LDB2: variants seen among roughly 807,000 people sequenced by gnomAD.
The protein encoded by LDB2 is LIM domain binding 2, also known as LIM domain-binding protein 2.
Under a neutral mutation model 44.3 loss-of-function variants are expected in LDB2, and 12 were observed. The observed-to-expected ratio is 0.27, with a 90% CI of 0.17 to 0.44. LDB2 has a LOEUF of 0.44. Ranked by LOEUF, LDB2 falls within the 20% of genes least tolerant of loss-of-function variation. The pLI, the probability that LDB2 is intolerant of heterozygous loss-of-function variation, is 1.00. For synonymous variants in LDB2, 164 were observed against 174.8 expected, an observed-to-expected ratio of 0.94 and a Z score of 0.49; for missense variants, 344 against 473.5, an observed-to-expected ratio of 0.73 and a Z score of 2.54.
At chr4:16,733,570 C>T (rs1268814270) in intron 2 of LDB2, among the ~76,000 whole-genome samples, 48 of 152,292 alleles carry the variant, frequency 3.2e-4, no homozygotes, top group Non-Finnish European at 2.1e-4. Context: ...GGGTTCATGT[C>T]TGTGCCTCAA....
intron 2 of LDB2, among the ~76,000 whole-genome samples, chr4:16,641,732 T>G (rs942044069): frequency 6.6e-6 from 1 of 152,056 alleles, no homozygotes; most frequent in African/African-American, 2.4e-5. Context: ...CAACACTGGA[T>G]GTCACATTTC....
chr4:16,620,140 A>G (rs898250603), intron 2 of LDB2, among the ~76,000 whole-genome samples: 3 of 152,180 alleles, frequency 2.0e-5, no homozygotes, highest in East Asian at 3.9e-4. Context: ...AAGAGACCAT[A>G]TCTATCTTGA....
intron 1 of LDB2, among the ~76,000 whole-genome samples, chr4:16,834,715 T>C (rs745978246): frequency 1.3e-5 from 2 of 151,966 alleles, no homozygotes; most frequent in Non-Finnish European, 2.9e-5. Context: ...TAATCCCCTC[T>C]ACTGGGGAGG....
At chr4:16,778,230 C>T (rs1772392143) in intron 1 of LDB2, among the ~76,000 whole-genome samples, 1 of 152,172 alleles carries the variant, frequency 6.6e-6, no homozygotes, top group Non-Finnish European at 1.5e-5. Flanking sequence ...TCTCCAAGAA[C>T]AATCAACTGT....
intron 1 of LDB2, among the ~76,000 whole-genome samples, chr4:16,891,366 G>A (rs999635848): frequency 1.5e-5 from 2 of 133,574 alleles, no homozygotes; most frequent in Non-Finnish European, 3.1e-5. Context: ...AGGGTGGAGT[G>A]CAGTGGGACA....
At chr4:16,622,012 C>T (rs1257465714) in intron 2 of LDB2, among the ~76,000 whole-genome samples, 1 of 152,204 alleles carries the variant, frequency 6.6e-6, no homozygotes, top group Non-Finnish European at 1.5e-5. Context: ...AAAGTAACCG[C>T]AATTACTTCT....
chr4:16,615,606 G>C (rs1727073304), intron 2 of LDB2, among the ~76,000 whole-genome samples: 1 of 152,090 alleles, frequency 6.6e-6, no homozygotes, highest in Admixed American at 6.5e-5. Context: ...GGCCTGTTGG[G>C]GGGTGGGGGG....
intron 1 of LDB2, among the ~76,000 whole-genome samples, chr4:16,824,911 A>C (rs540517984): frequency 6.6e-6 from 1 of 152,346 alleles, no homozygotes; most frequent in South Asian, 2.1e-4. Flanking sequence ...CATGAGGGAG[A>C]GATAAAACAA....
At position 16,734,315 on chromosome 4, in the gene LDB2, T is replaced by A. The variant is rs375524689; in HGVS notation, c.235+24843A>T. Among the ~76,000 whole-genome samples, 43 of 152,280 alleles carry A rather than the reference T, an allele frequency of 2.8e-4. 1 individual carries two copies. The South Asian group carries it at 8.7e-3, about 31-fold the overall frequency. ...CAACTATGTATTTAATCCTGTTGAT[T>A]AAGTAAATGAGCAAATGAGAGAACG... is the stretch of plus-strand genomic sequence containing the variant. On this transcript the variant is annotated intron_variant, in intron 2 of 7. Transcript: ENST00000304523.
chr4:16,867,223 G>A lies in LDB2; in HGVS notation c.132+31131C>T, dbSNP rs533199009. Among the ~76,000 whole-genome samples, 24 of 152,236 alleles carry A rather than the reference G, an allele frequency of 1.6e-4. No homozygotes were observed. The East Asian group carries it at 4.6e-3, about 29-fold the overall frequency. On this transcript the variant is annotated intron_variant, in intron 1 of 7. Transcript: ENST00000304523. The stretch of plus-strand genomic sequence containing the variant: ...GGAAACACCCGCAGGTAACACTGAG[G>A]GAAGAAGAGATGAGCTAACCTGCGG...
In LDB2 at chr4:16,714,349, C is replaced by T. The variant is rs147816250; in HGVS notation, c.235+44809G>A. Among the ~76,000 whole-genome samples the T allele has an allele frequency of 1.4e-4, 21 of 152,340 alleles. No individual in the cohort carries two copies. In the East Asian group the frequency reaches 4.1e-3, roughly 29 times the overall value. On this transcript the variant is annotated intron_variant, in intron 2 of 7. Transcript: ENST00000304523. ...AGCTAGCTGGATGTGAGGAATCCCACTCCACTGGCTTCAGCTGGCCTGGGC... is the reference window on the plus strand; with the variant it reads ...AGCTAGCTGGATGTGAGGAATCCCATTCCACTGGCTTCAGCTGGCCTGGGC...
intron 2 of LDB2, among the ~76,000 whole-genome samples, chr4:16,736,603 C>G (rs1761959468): frequency 6.6e-6 from 1 of 152,188 alleles, no homozygotes; most frequent in Admixed American, 6.5e-5. Flanking sequence ...CCTTGCCACA[C>G]AAGTGGTTGT....
chr4:16,812,869 C>T (rs778738182), intron 1 of LDB2, among the ~76,000 whole-genome samples: 2 of 152,042 alleles, frequency 1.3e-5, no homozygotes, highest in Non-Finnish European at 2.9e-5. Context: ...ATTATGCCAA[C>T]ATTTCCTCAT....
At chr4:16,667,145 G>C (rs1429901805) in intron 2 of LDB2, among the ~76,000 whole-genome samples, 1 of 152,194 alleles carries the variant, frequency 6.6e-6, no homozygotes, top group Non-Finnish European at 1.5e-5. Flanking sequence ...CAGAGACAGA[G>C]AGAATACTGC....
chr4:16,772,739 A>C (rs761921953), intron 1 of LDB2, among the ~76,000 whole-genome samples: 21 of 152,232 alleles, frequency 1.4e-4, no homozygotes, highest in Non-Finnish European at 2.4e-4. Context: ...CACACACACA[A>C]AAAACTAGGA....
At chr4:16,789,684 C>G (rs1459889639) in intron 1 of LDB2, among the ~76,000 whole-genome samples, 2 of 152,226 alleles carry the variant, frequency 1.3e-5, no homozygotes, top group Admixed American at 6.5e-5. Context: ...AATCCCAGCA[C>G]TTTCGGAGGC....
chr4:16,873,579 A>G (rs779298414), intron 1 of LDB2, among the ~76,000 whole-genome samples: 5 of 152,192 alleles, frequency 3.3e-5, no homozygotes, highest in African/African-American at 4.8e-5. Flanking sequence ...AAGAAAAACC[A>G]AATTATTCCA....
At chr4:16,873,345 A>C (rs1385358093) in intron 1 of LDB2, among the ~76,000 whole-genome samples, 1 of 152,212 alleles carries the variant, frequency 6.6e-6, no homozygotes, top group Non-Finnish European at 1.5e-5. Flanking sequence ...TAAGTCAATA[A>C]GATGGATTGC....
chr4:16,805,388 A>T (rs1042573666), intron 1 of LDB2, among the ~76,000 whole-genome samples: 2 of 152,240 alleles, frequency 1.3e-5, no homozygotes, highest in Admixed American at 1.3e-4. Context: ...TGAACAGATA[A>T]ATTCTACCTA....
Sources: allele counts gnomAD v4.1 joint callset (sites outside exome capture counted in the v4.1 genomes callset), GRCh38; gene constraint gnomAD v4.1.1; transcripts MANE v1.5; gene names NCBI Gene and HGNC (gene_info 2026-07-23, HGNC 2026-07-21).